Variants in TPP2 observed in about 807,000 individuals in gnomAD.
TPP2 encodes tripeptidyl peptidase 2.
Under a neutral mutation model 155.9 loss-of-function variants are expected in TPP2, and 34 were observed. The observed-to-expected ratio is 0.22, with a 90% CI of 0.17 to 0.29. TPP2 has a LOEUF of 0.29. Ranked by LOEUF, TPP2 falls within the 10% of genes least tolerant of loss-of-function variation. TPP2 has a pLI of 1.00. For synonymous variants in TPP2, 510 were observed against 529.4 expected (o/e 0.96, Z 0.50); for missense variants, 1,028 against 1,522.3 (o/e 0.68, Z 5.40).
chr13:102,626,718 A>G (rs1881650052), intron 6 of TPP2, among the ~76,000 whole-genome samples: 1 of 152,098 alleles, frequency 6.6e-6, no homozygotes, highest in African/African-American at 2.4e-5. Context: ...TCGTGTGTTT[A>G]TTTGCCCTTT....
chr13:102,614,785 A>G (rs533500198), intron 3 of TPP2, among the ~76,000 whole-genome samples: 5 of 152,328 alleles, frequency 3.3e-5, no homozygotes, highest in African/African-American at 1.2e-4. Context: ...GATAATGGAA[A>G]TGTTTGAAAT....
At position 102,614,136 on chromosome 13, in the gene TPP2, T is replaced by C. The variant is rs1409090751; in HGVS notation, c.330T>C (p.Tyr110=). 2 of 1,613,574 alleles carry C rather than the reference T, an allele frequency of 1.2e-6. No homozygotes were observed. Among genetic ancestry groups the C allele is most frequent in the South Asian group, 2.2e-5 (2 of 91,024 alleles). ...PASWTNPSGK[Y]HIGIKNGYDF... ...GCTGGACAAATCCCTCAGGCAAATA[T>C]CATATTGGCATAAAAAATGGCTATG... The change falls in exon 3 of 30, where the codon TAT becomes TAC. Residue 110 remains tyrosine (Y), a synonymous_variant. Coordinates refer to ENST00000376052, the MANE Select transcript of TPP2 (RefSeq NM_001330588.2).
At chr13:102,617,285 A>G (rs1880819782) in intron 4 of TPP2, among the ~76,000 whole-genome samples, 1 of 152,114 alleles carries the variant, frequency 6.6e-6, no homozygotes, top group East Asian at 1.9e-4. Context: ...TTTTCAGTTA[A>G]TATATTAGAC....
Position 102,644,529 on chromosome 13 carries a change from G to A in TPP2, c.2176-28G>A, listed in dbSNP as rs540017572. ...GTAATTTGAGAAAAATAAGAAAAGA[G>A]ATATATTTTATTTACTTTTATTTGC... On this transcript the variant is annotated intron_variant, in intron 17 of 29. Coordinates refer to ENST00000376052, the MANE Select transcript of TPP2 (RefSeq NM_001330588.2). The A allele has an allele frequency of 3.1e-5, 46 of 1,505,576 alleles. No homozygotes were observed. The African/African-American group carries it at 4.2e-4, about 14-fold the overall frequency. 93.3% of individuals were successfully genotyped at this position (1,505,576 alleles called of 1,614,324 possible).
In TPP2 at chr13:102,663,631, CCTT is replaced by C. The variant is rs764336466; in HGVS notation, c.3144-13_3144-11del. On this transcript the variant is annotated splice_polypyrimidine_tract_variant and intron_variant, in intron 25 of 29. Coordinates refer to ENST00000376052, the MANE Select transcript of TPP2 (RefSeq NM_001330588.2). The stretch of plus-strand genomic sequence containing the variant: ...AAAAGAAAAAAGTAAATATTTCTCT[CCTT>C]CTTACATACATAGGCTGGATTCTAG... The C allele has an allele frequency of 2.8e-5, 43 of 1,536,776 alleles. No homozygotes were observed. In the African/African-American group the frequency reaches 3.8e-4, roughly 14 times the overall value.
chr13:102,608,856 C>G (rs1437765601), intron 2 of TPP2, among the ~76,000 whole-genome samples: 1 of 151,986 alleles, frequency 6.6e-6, no homozygotes, highest in Non-Finnish European at 1.5e-5. Flanking sequence ...GTTTAGGTGT[C>G]TAATCATCCC....
intron 21 of TPP2, among the ~76,000 whole-genome samples, chr13:102,648,336 C>T (rs915860634): frequency 6.6e-6 from 1 of 152,136 alleles, no homozygotes; most frequent in East Asian, 1.9e-4. Flanking sequence ...ACTATGATTG[C>T]ACCAGTTAAC....
intron 1 of TPP2, among the ~76,000 whole-genome samples, chr13:102,599,507 T>C (rs1286271703): frequency 3.3e-5 from 5 of 152,164 alleles, no homozygotes; most frequent in African/African-American, 1.2e-4. Context: ...AAGATGAGGC[T>C]GAACTGGCAG....
intron 3 of TPP2, among the ~76,000 whole-genome samples, chr13:102,615,887 C>G (rs1880681817): frequency 6.6e-6 from 1 of 152,118 alleles, no homozygotes; most frequent in South Asian, 2.1e-4. Flanking sequence ...CTCTTAAACC[C>G]TGGGTGCAAT....
At chr13:102,644,515 A>G in intron 17 of TPP2, 42 bp from the exon 18 acceptor site, 3 of 1,477,332 alleles carry the variant, frequency 2.0e-6, no homozygotes, top group Non-Finnish European at 2.8e-6. Flanking sequence ...TAATTTGAGA[A>G]AAATAAGAAA....
At chr13:102,677,677 C>G (rs1370443429) in intron 29 of TPP2, among the ~76,000 whole-genome samples, 1 of 152,222 alleles carries the variant, frequency 6.6e-6, no homozygotes, top group Non-Finnish European at 1.5e-5. Context: ...CATTCAAACT[C>G]AACTGGAGTA....
At position 102,649,141 on chromosome 13, in the gene TPP2, C is replaced by T. The variant is rs1274988963; in HGVS notation, c.2863C>T (p.Pro955Ser). The change falls in exon 22 of 30, where the codon CCT becomes TCT. Residue 955 changes from proline to serine, a missense_variant. Around this residue, in one of 7 missense-constraint regions of TPP2, gnomAD observed 179 missense variants for 274.7 expected, o/e 0.65. Transcript: ENST00000376052. Reference sequence around the variant, plus strand: ...CCAGCCATTCTTTGTTACTTCCTTACCTGATGATAAGTAAGTGATAACATT... The same window carrying T: ...CCAGCCATTCTTTGTTACTTCCTTATCTGATGATAAGTAAGTGATAACATT... The part of the protein sequence containing the change: ...YNQPFFVTSL[P>S]DDKIPKGAGP... 3.7e-6 allele frequency: 6 copies of T among 1,605,452 alleles called. No homozygotes were observed. The African/African-American group carries it at 6.7e-5, about 18-fold the overall frequency.
intron 28 of TPP2, 23 bp from the exon 29 acceptor site, chr13:102,676,273 C>G (rs774170055): frequency 2.6e-6 from 4 of 1,552,228 alleles, no homozygotes. Flanking sequence ...TATAAACAAG[C>G]TTTATCATGT....
intron 1 of TPP2, among the ~76,000 whole-genome samples, chr13:102,604,460 C>G (rs1192991390): frequency 6.6e-6 from 1 of 152,148 alleles, no homozygotes; most frequent in Non-Finnish European, 1.5e-5. Flanking sequence ...TTGTTATTAA[C>G]TGAACTGCTT....
intron 1 of TPP2, among the ~76,000 whole-genome samples, chr13:102,597,837 T>C (rs1466982827): frequency 6.6e-6 from 1 of 152,216 alleles, no homozygotes; most frequent in East Asian, 1.9e-4. Flanking sequence ...GTGGTAGTTT[T>C]GTGTATTCTA....
rs370979785 is a variant in TPP2, at chr13:102,665,955, C to T, written c.3371+1030C>T. On this transcript the variant is annotated intron_variant, in intron 27 of 29. Transcript: ENST00000376052. Reference sequence around the variant, plus strand: ...GTGGGATAGAATATATTTAAAATTGCTTCTTTGGCCACTATTATTACCTTT... The same window carrying T: ...GTGGGATAGAATATATTTAAAATTGTTTCTTTGGCCACTATTATTACCTTT... Among the ~76,000 whole-genome samples, 7 of 152,130 alleles carry T rather than the reference C, an allele frequency of 4.6e-5. No homozygotes were observed. The South Asian group carries it at 8.3e-4, about 18-fold the overall frequency.
intron 1 of TPP2, among the ~76,000 whole-genome samples, chr13:102,602,890 G>A (rs1488049984): frequency 1.3e-5 from 2 of 151,838 alleles, no homozygotes; most frequent in Non-Finnish European, 2.9e-5. Context: ...TCTTGAGGAT[G>A]GAGTTTTTTT....
At chr13:102,676,521 G>C (rs1196214566) in intron 29 of TPP2, 106 bp downstream of exon 29, 2 of 1,349,554 alleles carry the variant, frequency 1.5e-6, no homozygotes, top group Non-Finnish European at 2.0e-6. Flanking sequence ...TGGTTTTATT[G>C]TGACCAGTTA....
At chr13:102,609,212 G>T (rs556589336) in intron 2 of TPP2, among the ~76,000 whole-genome samples, 4 of 152,152 alleles carry the variant, frequency 2.6e-5, no homozygotes, top group African/African-American at 4.8e-5. Context: ...AACTACATGA[G>T]ACTGGGGAAT....
Sources: allele counts gnomAD v4.1 joint callset (sites outside exome capture counted in the v4.1 genomes callset), GRCh38; gene constraint gnomAD v4.1.1; regional missense constraint gnomAD v4.1.1; transcripts MANE v1.5; gene names NCBI Gene and HGNC (gene_info 2026-07-23, HGNC 2026-07-21).